The following RABGAP1L variants were observed in gnomAD, a reference collection of about 807,000 sequenced individuals.
RABGAP1L encodes RAB GTPase activating protein 1 like.
RABGAP1L carries 63 observed loss-of-function variants against 137.7 expected under a neutral mutation model. That is an observed-to-expected ratio of 0.46 (90% CI 0.37 to 0.56). The LOEUF (loss-of-function observed/expected upper bound fraction) is 0.56. Among genes scored for constraint, RABGAP1L ranks in the 20% least tolerant of loss-of-function variants. The pLI is 0.00. For synonymous variants in RABGAP1L, 431 were observed against 433.7 expected (o/e 0.99, Z 0.08); for missense variants, 1,095 against 1,244.0 (o/e 0.88, Z 1.80).
intron 18 of RABGAP1L, among the ~76,000 whole-genome samples, chr1:174,781,495 A>C (rs1235272989): frequency 4.6e-5 from 7 of 151,840 alleles, no homozygotes; most frequent in Non-Finnish European, 1.0e-4. Context: ...GATTGCAAAA[A>C]TTTTCTCCCA....
chr1:174,234,804 A>G (rs904862901), intron 4 of RABGAP1L, among the ~76,000 whole-genome samples: 3 of 148,750 alleles, frequency 2.0e-5, no homozygotes, highest in Non-Finnish European at 3.0e-5. Flanking sequence ...TTCTGTGAAG[A>G]AAGTCATTGG....
intron 19 of RABGAP1L, among the ~76,000 whole-genome samples, chr1:174,924,855 C>G (rs571221514): frequency 1.3e-5 from 2 of 151,772 alleles, no homozygotes; most frequent in East Asian, 3.9e-4. Flanking sequence ...AACACAATAC[C>G]TAAGTAAAAA....
At chr1:174,490,290 A>G (rs1041591524) in intron 13 of RABGAP1L, among the ~76,000 whole-genome samples, 1 of 152,156 alleles carries the variant, frequency 6.6e-6, no homozygotes, top group Admixed American at 6.5e-5. Context: ...GCCTGCATGA[A>G]GGGGCACCCC....
intron 1 of RABGAP1L, among the ~76,000 whole-genome samples, chr1:174,191,736 G>A (rs925153396): frequency 2.6e-5 from 4 of 152,154 alleles, no homozygotes; most frequent in Admixed American, 6.6e-5. Flanking sequence ...TGCCCTGATG[G>A]TTTTTATTAG....
At chr1:174,818,064 A>G (rs959665504) in intron 19 of RABGAP1L, among the ~76,000 whole-genome samples, 1 of 152,246 alleles carries the variant, frequency 6.6e-6, no homozygotes, top group African/African-American at 2.4e-5. Context: ...ATCCAAGTAG[A>G]TATAAATATC....
Position 174,241,470 on chromosome 1 carries a change from T to C in RABGAP1L, c.543-13T>C. 1 of 1,479,500 alleles carries C rather than the reference T, an allele frequency of 6.8e-7. No individual in the cohort carries two copies. The highest frequency in any genetic ancestry group is 1.4e-5 in the South Asian group (1 of 70,582). The allele number at this position is 1,479,500 out of a possible 1,614,324, so 91.6% of individuals were successfully genotyped here. On this transcript the variant is annotated splice_polypyrimidine_tract_variant and intron_variant, in intron 4 of 25. Transcript: ENST00000681986. The stretch of plus-strand genomic sequence containing the variant: ...ATTAATATTTTATCTAACTTTTCAT[T>C]ACTGTTCTACAGAATTATAGACCAA...
intron 23 of RABGAP1L, 64 bp from the exon 24 acceptor site, chr1:174,982,770 G>A (rs1163984083): frequency 1.4e-6 from 2 of 1,441,740 alleles, no homozygotes; most frequent in African/African-American, 2.8e-5. Flanking sequence ...TTGATAAGTA[G>A]TTATGTGTAC....
intron 14 of RABGAP1L, among the ~76,000 whole-genome samples, chr1:174,651,269 T>A (rs998978972): frequency 3.3e-4 from 50 of 152,264 alleles, no homozygotes; most frequent in Non-Finnish European, 4.7e-4. Context: ...GTGGTCAATT[T>A]TGGAATAGGT....
At chr1:174,205,512 T>C (rs1387895216) in intron 1 of RABGAP1L, among the ~76,000 whole-genome samples, 1 of 152,142 alleles carries the variant, frequency 6.6e-6, no homozygotes, top group African/African-American at 2.4e-5. Context: ...GGTTCAGTCT[T>C]GGGAGGACAT....
At chr1:174,256,076 C>A (rs1442651451) in intron 7 of RABGAP1L, among the ~76,000 whole-genome samples, 1 of 152,174 alleles carries the variant, frequency 6.6e-6, no homozygotes, top group Non-Finnish European at 1.5e-5. Flanking sequence ...TAATAATATC[C>A]TTTCCCCCAC....
In RABGAP1L at chr1:174,894,048, A is replaced by G. The variant is rs571723551; in HGVS notation, c.2341-63409A>G. Among the ~76,000 whole-genome samples, 4 of 152,332 alleles carry G rather than the reference A, an allele frequency of 2.6e-5. No individual in the cohort carries two copies. In the South Asian group the frequency reaches 6.2e-4, roughly 24 times the overall value. ...AGGTCCCAGGTGCATTTACTGAGCT[A>G]TCTGTCAAAGTCCACCAAGCTAGTA... On this transcript the variant is annotated intron_variant, in intron 19 of 25. Coordinates refer to ENST00000681986, the MANE Select transcript of RABGAP1L (RefSeq NM_001366446.1).
At chr1:174,329,047 A>AAAG (rs1486929846) in intron 11 of RABGAP1L, among the ~76,000 whole-genome samples, 3 of 151,604 alleles carry the variant, frequency 2.0e-5, no homozygotes, top group African/African-American at 7.3e-5. Context: ...TACAAAAAAA[A>AAAG]AAACCCAGGA....
intron 15 of RABGAP1L, among the ~76,000 whole-genome samples, chr1:174,689,636 C>T (rs1029473307): frequency 2.6e-5 from 4 of 152,070 alleles, no homozygotes; most frequent in African/African-American, 4.8e-5. Context: ...TTTGCTACCT[C>T]GTTTAAAAGG....
chr1:174,896,594 T>G (rs1657220867), intron 19 of RABGAP1L, among the ~76,000 whole-genome samples: 1 of 152,224 alleles, frequency 6.6e-6, no homozygotes, highest in South Asian at 2.1e-4. Flanking sequence ...AAGTCTTTAA[T>G]CCATCTTGAA....
At chr1:174,560,626 C>T (rs1422224358) in intron 13 of RABGAP1L, among the ~76,000 whole-genome samples, 1 of 152,128 alleles carries the variant, frequency 6.6e-6, no homozygotes, top group Non-Finnish European at 1.5e-5. Flanking sequence ...GTAAATTGTG[C>T]AATGCTGAGG....
In RABGAP1L at chr1:174,711,438, C is replaced by T. The variant is rs73026452; in HGVS notation, c.2169+9182C>T. ...GAACCGAGGCTGCGCACAGTGCTTG[C>T]GGGCCAGAACGAGTTCCAGGTGGGC... On this transcript the variant is annotated intron_variant, in intron 17 of 25. Coordinates refer to ENST00000681986, the MANE Select transcript of RABGAP1L (RefSeq NM_001366446.1). Among the ~76,000 whole-genome samples the T allele has an allele frequency of 5.5e-3, 836 of 152,186 alleles. 10 individuals carry two copies. The highest frequency in any genetic ancestry group is 0.019 in the African/African-American group (769 of 41,562).
At chr1:174,884,614 T>C (rs546257617) in intron 19 of RABGAP1L, among the ~76,000 whole-genome samples, 2 of 152,350 alleles carry the variant, frequency 1.3e-5, no homozygotes, top group African/African-American at 2.4e-5. Context: ...AAGGTTCTTA[T>C]AGTTGCAAGT....
chr1:174,438,750 A>ATATATATATATATATATATT (rs1653765250), intron 13 of RABGAP1L, among the ~76,000 whole-genome samples: 3 of 117,050 alleles, frequency 2.6e-5, no homozygotes, highest in Non-Finnish European at 4.9e-5. Context: ...GTGTGTATAT[A>ATATATATATATATATATATT]TATATATATA....
intron 19 of RABGAP1L, among the ~76,000 whole-genome samples, chr1:174,906,455 C>G (rs755572982): frequency 2.4e-4 from 37 of 151,940 alleles, no homozygotes; most frequent in Non-Finnish European, 4.7e-4. Flanking sequence ...AGGTGAAACC[C>G]CATCTCTACT....
Sources: gnomAD v4.1 joint callset for allele counts (sites outside exome capture counted in the v4.1 genomes callset) on GRCh38, gnomAD v4.1.1 for gene constraint, MANE v1.5 for transcripts, NCBI Gene and HGNC (gene_info 2026-07-23, HGNC 2026-07-21) for gene names.